ZMYND8: variants seen among roughly 807,000 people sequenced by gnomAD.
ZMYND8 encodes the protein zinc finger MYND-type containing 8, also known as MYND-type zinc finger-containing chromatin reader ZMYND8.
In ZMYND8, 37 loss-of-function variants were observed where a neutral mutation model predicts 140.8. The ratio of observed to expected loss-of-function variants is 0.26; its 90% CI spans 0.20 to 0.35. The LOEUF is 0.35. ZMYND8 is among the 10% of genes least tolerant of loss of function. The probability of loss-of-function intolerance (pLI) is 1.00; values close to 1 mark genes in which losing one functional copy is unlikely to be tolerated. For synonymous variants in ZMYND8, 592 were observed against 597.1 expected (o/e 0.99, Z 0.12); for missense variants, 1,068 against 1,570.0 (o/e 0.68, Z 5.40).
intron 14 of ZMYND8, among the ~76,000 whole-genome samples, chr20:47,239,420 G>A (rs1364956454): frequency 6.6e-6 from 1 of 152,224 alleles, no homozygotes; most frequent in Non-Finnish European, 1.5e-5. Flanking sequence ...AGGCAAACAA[G>A]ACCCGGCTCC....
At chr20:47,214,356 C>T (rs1236707698) in intron 21 of ZMYND8, among the ~76,000 whole-genome samples, 2 of 152,308 alleles carry the variant, frequency 1.3e-5, no homozygotes, top group South Asian at 2.1e-4. Context: ...CCTGCAGCTT[C>T]TCACTCACAC....
chr20:47,230,736 T>A (rs2038361842), intron 16 of ZMYND8, among the ~76,000 whole-genome samples: 1 of 152,202 alleles, frequency 6.6e-6, no homozygotes, highest in African/African-American at 2.4e-5. Context: ...ATTCAATGGC[T>A]TTTAGTACCT....
At chr20:47,350,023 G>T in intron 1 of ZMYND8, 7 of 1,466,460 alleles carry the variant, frequency 4.8e-6, no homozygotes, top group Non-Finnish European at 6.3e-6. Flanking sequence ...TAGTTATGTG[G>T]TGGCTATTTG....
At chr20:47,249,817 G>A (rs2147334120) in intron 12 of ZMYND8, among the ~76,000 whole-genome samples, 1 of 152,250 alleles carries the variant, frequency 6.6e-6, no homozygotes, top group African/African-American at 2.4e-5. Context: ...ACTGAGCCTG[G>A]TCAAGGTGTA....
intron 18 of ZMYND8, among the ~76,000 whole-genome samples, chr20:47,226,152 A>T (rs1363287848): frequency 1.4e-5 from 1 of 72,420 alleles, no homozygotes; most frequent in Admixed American, 1.2e-4. Flanking sequence ...ACTCTGTCTT[A>T]AAAAAAAAAA....
intron 2 of ZMYND8, among the ~76,000 whole-genome samples, chr20:47,321,118 A>C (rs2079912269): frequency 6.6e-6 from 1 of 152,212 alleles, no homozygotes; most frequent in African/African-American, 2.4e-5. Context: ...TATTTAACGA[A>C]GGTATTTATT....
At chr20:47,311,474 T>C (rs2078927191) in intron 2 of ZMYND8, among the ~76,000 whole-genome samples, 1 of 152,164 alleles carries the variant, frequency 6.6e-6, no homozygotes, top group Non-Finnish European at 1.5e-5. Context: ...GCCAACATGG[T>C]AAAACCAGTC....
At chr20:47,339,946 T>C (rs1013815721) in intron 2 of ZMYND8, among the ~76,000 whole-genome samples, 3 of 150,168 alleles carry the variant, frequency 2.0e-5, no homozygotes, top group Admixed American at 6.6e-5. Flanking sequence ...AGCCAGGTGG[T>C]TTTTGTTTTT....
At chr20:47,259,395 T>C (rs529441303) in intron 12 of ZMYND8, among the ~76,000 whole-genome samples, 1 of 152,286 alleles carries the variant, frequency 6.6e-6, no homozygotes, top group South Asian at 2.1e-4. Context: ...TGAGCCAGGA[T>C]TGGAGCCAGG....
chr20:47,271,009 G>A (rs1285994155), intron 11 of ZMYND8, among the ~76,000 whole-genome samples: 2 of 151,892 alleles, frequency 1.3e-5, no homozygotes, highest in East Asian at 1.9e-4. Flanking sequence ...CCCAGGAGGC[G>A]GAGCTTGCAG....
At chr20:47,218,626 TAA>T (rs2036470023) in intron 21 of ZMYND8, among the ~76,000 whole-genome samples, 1 of 152,146 alleles carries the variant, frequency 6.6e-6, no homozygotes, top group African/African-American at 2.4e-5. Context: ...CAGTCTTTGT[TAA>T]AAAGAGAATC....
chr20:47,212,270 T>C (rs1296462952), intron 22 of ZMYND8, among the ~76,000 whole-genome samples: 3 of 152,130 alleles, frequency 2.0e-5, no homozygotes, highest in Non-Finnish European at 4.4e-5. Context: ...AGTATCTCTC[T>C]CCCAGAACCA....
intron 8 of ZMYND8, among the ~76,000 whole-genome samples, chr20:47,283,986 G>T (rs574935995): frequency 2.0e-5 from 3 of 151,912 alleles, no homozygotes; most frequent in African/African-American, 7.3e-5. Context: ...GCAGTGGCCC[G>T]ATCTGGGCTC....
chr20:47,290,652 C>T (rs544518824), intron 6 of ZMYND8, among the ~76,000 whole-genome samples: 2 of 124,796 alleles, frequency 1.6e-5, no homozygotes, highest in South Asian at 2.5e-4. Flanking sequence ...AGTGCAATGG[C>T]GTGATCTCGG....
intron 21 of ZMYND8, among the ~76,000 whole-genome samples, chr20:47,219,546 C>A (rs1359152555): frequency 6.6e-6 from 1 of 150,882 alleles, no homozygotes; most frequent in African/African-American, 2.4e-5. Flanking sequence ...AAATCATCAT[C>A]AGGCAGAAAG....
At chr20:47,306,821 GAATCT>G (rs1356754152) in intron 3 of ZMYND8, among the ~76,000 whole-genome samples, 27 of 152,262 alleles carry the variant, frequency 1.8e-4, no homozygotes, top group African/African-American at 6.0e-4. Flanking sequence ...CGACAGTGGA[GAATCT>G]TCACATATGC....
At chr20:47,297,585 C>T (rs940827997) in intron 4 of ZMYND8, among the ~76,000 whole-genome samples, 2 of 151,758 alleles carry the variant, frequency 1.3e-5, no homozygotes, top group Non-Finnish European at 2.9e-5. Flanking sequence ...CCATGCCCAG[C>T]TAATTTCTTT....
At chr20:47,223,986 G>C (rs2037354627) in intron 19 of ZMYND8, among the ~76,000 whole-genome samples, 1 of 152,096 alleles carries the variant, frequency 6.6e-6, no homozygotes, top group Non-Finnish European at 1.5e-5. Flanking sequence ...ACTTAACAAA[G>C]AAATTGGGAA....
intron 7 of ZMYND8, among the ~76,000 whole-genome samples, chr20:47,289,752 A>G (rs912125989): frequency 6.6e-6 from 1 of 152,244 alleles, no homozygotes; most frequent in Non-Finnish European, 1.5e-5. Flanking sequence ...AAATTCTACA[A>G]GAAGCAAAAT....
Sources: gnomAD v4.1 joint callset for allele counts (sites outside exome capture counted in the v4.1 genomes callset) on GRCh38, gnomAD v4.1.1 for gene constraint, MANE v1.5 for transcripts, NCBI Gene and HGNC (gene_info 2026-07-23, HGNC 2026-07-21) for gene names.